The following HOXA3 variants were observed in gnomAD, a reference collection of about 807,000 sequenced individuals.
The protein encoded by HOXA3 is homeobox A3.
In HOXA3, 8 loss-of-function variants were observed where a neutral mutation model predicts 30.3. The ratio of observed to expected loss-of-function variants is 0.26; its 90% confidence interval spans 0.15 to 0.48. The LOEUF (loss-of-function observed/expected upper bound fraction) is 0.48. Among genes scored for constraint, HOXA3 ranks in the 20% least tolerant of loss-of-function variants. The pLI, the probability that HOXA3 is intolerant of heterozygous loss-of-function variation, is 0.99. For missense variants in HOXA3, 653 were observed against 614.4 expected (o/e 1.06, Z -0.66); for synonymous variants, 323 against 273.1 (o/e 1.18, Z -1.80).
In HOXA3 at chr7:27,108,807, A is replaced by C; in HGVS notation, c.527-87T>G. On this transcript the variant is annotated intron_variant, in intron 5 of 5. Coordinates refer to ENST00000612286, the MANE Select transcript of HOXA3 (RefSeq NM_153631.3). This position sits in a 1 kb window ranked among gnomAD's most constrained non-coding sequence, Gnocchi z 5.0. Reference sequence around the variant, plus strand: ...ACCCAGCCCGGCCCCTCCTTCCACCAGGCCCCAAAGGTTCCTGCATCCGTC... The same window carrying C: ...ACCCAGCCCGGCCCCTCCTTCCACCCGGCCCCAAAGGTTCCTGCATCCGTC... The C allele has an allele frequency of 1.0e-6, 1 of 974,202 alleles. No individual in the cohort carries two copies. Among genetic ancestry groups the C allele is most frequent in the Non-Finnish European group, 1.5e-6 (1 of 672,056 alleles). 60.3% of individuals were successfully genotyped at this position (974,202 alleles called of 1,614,324 possible). A position where few individuals can be genotyped will look rare whatever the true frequency, so the allele number is the denominator to read the frequency against.
At chr7:27,145,369 G>T (rs1291253970) in intron 1 of HOXA3, 1 of 450,074 alleles carries the variant, frequency 2.2e-6, no homozygotes, top group African/African-American at 1.9e-5. Context: ...CTCCGGAGCC[G>T]GTTTGGGCAT....
intron 1 of HOXA3, chr7:27,147,323 T>A: frequency 6.2e-7 from 1 of 1,613,974 alleles, no homozygotes; most frequent in Middle Eastern, 1.7e-4. Flanking sequence ...CAGGAGTTCA[T>A]CCGCTGCATC....
In HOXA3 at chr7:27,124,906, G is replaced by C. The variant is rs550528033; in HGVS notation, c.-205+1980C>G. On this transcript the variant is annotated intron_variant, in intron 3 of 5. Transcript: ENST00000612286. ...GTCATCCTGGGATTATGACCGTTGT[G>C]GATAGTGGGGAGTCCACTGCTCTCC... Among the ~76,000 whole-genome samples, 8 of 152,240 alleles carry C rather than the reference G, an allele frequency of 5.3e-5. No individual in the cohort carries two copies. The South Asian group carries it at 1.7e-3, about 32-fold the overall frequency.
chr7:27,121,274 T>C (rs1785003479), intron 4 of HOXA3: 1 of 146,740 alleles, frequency 6.8e-6, no homozygotes, highest in Non-Finnish European at 1.5e-5. Flanking sequence ...TGATAGATTC[T>C]TATTTAACAT....
In HOXA3 at chr7:27,152,466, G is replaced by T. The variant is rs1054413566; in HGVS notation, c.-672C>A. ...GCGCGCCCAATCTCCAGCGGGAGCCGCCAGGCCTGGCCTGGCCGGGGCTTC... is the reference window on the plus strand; with the variant it reads ...GCGCGCCCAATCTCCAGCGGGAGCCTCCAGGCCTGGCCTGGCCGGGGCTTC... On this transcript the variant is annotated 5_prime_UTR_variant, in exon 1 of 6. Transcript: ENST00000612286. 5 of 1,151,848 alleles carry T rather than the reference G, an allele frequency of 4.3e-6. No individual in the cohort carries two copies. The African/African-American group carries it at 6.6e-5, about 15-fold the overall frequency. 71.4% of individuals were successfully genotyped at this position (1,151,848 alleles called of 1,614,324 possible).
At chr7:27,136,800 GAAC>G (rs1785728350) in intron 2 of HOXA3, among the ~76,000 whole-genome samples, 2 of 152,204 alleles carry the variant, frequency 1.3e-5, no homozygotes, top group Admixed American at 1.3e-4. Context: ...ATTTATTTGT[GAAC>G]AACAACAAAC....
At chr7:27,122,995 C>T (rs926348789) in intron 3 of HOXA3, 1 of 152,228 alleles carries the variant, frequency 6.6e-6, no homozygotes. Flanking sequence ...GTGGTGTGGG[C>T]TGCTTTCAGA....
rs1259468267 is a variant in HOXA3, at chr7:27,140,206, AGTC to A, written c.-493-23_-493-21del. The stretch of plus-strand genomic sequence containing the variant: ...CGTAGCCTGCAAAAGAGTCAAATGG[AGTC>A]CAGCGTTAGTGAGATTATATGTTAT... On this transcript the variant is annotated intron_variant, in intron 1 of 5. Transcript: ENST00000612286. The A allele has an allele frequency of 6.6e-6, 1 of 152,138 alleles. No individual in the cohort carries two copies. The highest frequency in any genetic ancestry group is 1.5e-5 in the Non-Finnish European group (1 of 68,044). 9.4% of individuals were successfully genotyped at this position (152,138 alleles called of 1,614,324 possible). A position where few individuals can be genotyped will look rare whatever the true frequency, so the allele number is the denominator to read the frequency against.
Position 27,119,003 on chromosome 7 carries a change from G to T in HOXA3, c.-121+3556C>A, listed in dbSNP as rs553379803. Among the ~76,000 whole-genome samples, 57 of 152,302 alleles carry T rather than the reference G, an allele frequency of 3.7e-4. 1 individual carries two copies. The South Asian group carries it at 0.011, about 29-fold the overall frequency. ...CTTGGCTATAGAGTGGTGGGTCCGG[G>T]TTTTGCAAAATCTAGAGAAACCTAG... On this transcript the variant is annotated intron_variant, in intron 4 of 5. Transcript: ENST00000612286.
chr7:27,120,587 CT>C (rs1427043109), intron 4 of HOXA3, among the ~76,000 whole-genome samples: 2 of 147,652 alleles, frequency 1.4e-5, no homozygotes, highest in Admixed American at 1.3e-4. Flanking sequence ...GTCATTGGTA[CT>C]GCTTCAGAGA....
rs1359775045 is a variant in HOXA3 at position 27,110,109 on chromosome 7, C to T, written c.526+6G>A. The T allele has an allele frequency of 6.2e-7, 1 of 1,614,052 alleles. No individual in the cohort carries two copies. The highest frequency in any genetic ancestry group is 2.2e-5 in the East Asian group (1 of 44,896). Reference sequence around the variant, plus strand: ...GAGGACCCTCTTCCAGAAGGCACTCCTTTACCTGAGCTGGAGCTGCTGGTT... The same window carrying T: ...GAGGACCCTCTTCCAGAAGGCACTCTTTTACCTGAGCTGGAGCTGCTGGTT... On this transcript the variant is annotated splice_donor_region_variant and intron_variant, in intron 5 of 5. Transcript: ENST00000612286.
chr7:27,145,424 C>A (rs968743630), intron 1 of HOXA3: 1 of 631,120 alleles, frequency 1.6e-6, no homozygotes, highest in South Asian at 2.0e-5. Context: ...CCCGCTCCAC[C>A]GCTGGTATTG....
chr7:27,141,948 G>C (rs755766538), intron 1 of HOXA3: 9 of 1,614,204 alleles, frequency 5.6e-6, no homozygotes, highest in Non-Finnish European at 7.6e-6. Context: ...CTCTCGGAGA[G>C]GCAAAGAGCA....
chr7:27,143,615 T>C (rs1409414387), intron 1 of HOXA3: 1 of 1,586,830 alleles, frequency 6.3e-7, no homozygotes, highest in African/African-American at 1.4e-5. Context: ...CATTTGTTTT[T>C]TGATATGTGT....
At chr7:27,137,585 C>G (rs1040755697) in intron 2 of HOXA3, among the ~76,000 whole-genome samples, 1 of 152,130 alleles carries the variant, frequency 6.6e-6, no homozygotes, top group African/African-American at 2.4e-5. Flanking sequence ...ACCAGCCATC[C>G]TCTTTATTAT....
Position 27,120,335 on chromosome 7 carries a change from G to C in HOXA3, c.-121+2224C>G, listed in dbSNP as rs1432447516. Among the ~76,000 whole-genome samples the C allele has an allele frequency of 7.2e-5, 11 of 152,142 alleles. 1 individual carries two copies. In the South Asian group the frequency reaches 1.5e-3, roughly 20 times the overall value. On this transcript the variant is annotated intron_variant, in intron 4 of 5. Transcript: ENST00000612286. ...AGGTGGGTGGATCATGAGGTCAGCAGTTCGAGACCAGCCTGAACAACATGG... is the reference window on the plus strand; with the variant it reads ...AGGTGGGTGGATCATGAGGTCAGCACTTCGAGACCAGCCTGAACAACATGG...
chr7:27,148,958 G>T (rs908768882), intron 1 of HOXA3, among the ~76,000 whole-genome samples: 2 of 152,276 alleles, frequency 1.3e-5, no homozygotes, highest in Non-Finnish European at 2.9e-5. Flanking sequence ...CTGTCCTGGG[G>T]CCGCCCTCTT....
At chr7:27,136,987 G>A (rs1037450985) in intron 2 of HOXA3, among the ~76,000 whole-genome samples, 2 of 152,104 alleles carry the variant, frequency 1.3e-5, no homozygotes, top group Admixed American at 6.5e-5. Context: ...CAAAGGGAGG[G>A]AGCCCACAAT....
At chr7:27,147,848 C>A in intron 1 of HOXA3, 1 of 1,105,464 alleles carries the variant, frequency 9.0e-7, no homozygotes, top group Non-Finnish European at 1.3e-6. Context: ...GATGGCCGAA[C>A]GCCAAAAGCG....
Sources: gnomAD v4.1 joint callset for allele counts (sites outside exome capture counted in the v4.1 genomes callset) on GRCh38, gnomAD v4.1.1 for gene constraint, Gnocchi (gnomAD v3.1) non-coding constraint, MANE v1.5 for transcripts, NCBI Gene and HGNC (gene_info 2026-07-23, HGNC 2026-07-21) for gene names.